Variants in KIF7 observed in about 807,000 individuals in gnomAD.
KIF7 encodes the protein kinesin-like protein KIF7.
Under a neutral mutation model 135.7 loss-of-function variants are expected in KIF7, and 104 were observed. The ratio of observed to expected loss-of-function variants is 0.77; its 90% CI spans 0.65 to 0.90. The LOEUF (loss-of-function observed/expected upper bound fraction) is 0.90, where lower values mean the gene tolerates loss of function less well. KIF7 is among the 40% of genes least tolerant of loss of function. The pLI is 0.00. For missense variants in KIF7, 2,005 were observed against 1,839.1 expected (o/e 1.09, Z -1.65); for synonymous variants, 883 against 809.4 (o/e 1.09, Z -1.54).
chr15:89,629,140 A>AG lies in KIF7; in HGVS notation c.3518-19dup. 6.5e-7 allele frequency: 1 copy of AG among 1,538,652 alleles called. No homozygotes were observed. The highest frequency in any genetic ancestry group is 8.7e-7 in the Non-Finnish European group (1 of 1,145,112). ...GAGGTGGTCTAGAGTGGAAAGGTCG[A>AG]GGAGAGGGTGGTGAGGGCTGCAGGC... is the stretch of plus-strand genomic sequence containing the variant. On this transcript the variant is annotated intron_variant, in intron 17 of 18. Coordinates refer to ENST00000394412, the MANE Select transcript of KIF7 (RefSeq NM_198525.3).
At chr15:89,657,022 T>A (rs1964213750), upstream of KIF7, among the ~76,000 whole-genome samples, 1 of 152,092 alleles carries the variant, frequency 6.6e-6, no homozygotes, top group African/African-American at 2.4e-5. Context: ...GAGGTACAAT[T>A]CTGGGCCAGC....
At chr15:89,625,415 G>T, downstream of KIF7, 1 of 1,614,018 alleles carries the variant, frequency 6.2e-7, no homozygotes, top group Non-Finnish European at 8.5e-7. Flanking sequence ...TCTTCCGGGA[G>T]GGGCGAGGTC....
At chr15:89,650,067 C>A in intron 2 of KIF7, 126 bp from the exon 3 acceptor site, 1 of 991,088 alleles carries the variant, frequency 1.0e-6, no homozygotes, top group South Asian at 1.4e-5. Flanking sequence ...AGGCAGTGGC[C>A]GAGGCCAGGA....
At position 89,648,341 on chromosome 15, in the gene KIF7, C is replaced by A. The variant is rs1964054535; in HGVS notation, c.1357G>T (p.Ala453Ser). ...WLCAVEGERS[A>S]LSSASGPDSG... is the part of the protein sequence containing the mutation. ...TCGGGCCCGGAGGCGGAGCTCAGGGCGCTGCGCTCGCCCTCGACGGCGCAC... is the reference window on the plus strand; with the variant it reads ...TCGGGCCCGGAGGCGGAGCTCAGGGAGCTGCGCTCGCCCTCGACGGCGCAC... Residue 453 changes from alanine (A) to serine (S), a missense_variant, in exon 5 of 19, where the codon GCC becomes TCC. Ala to Ser is a moderately conservative substitution (Grantham distance 99). Coordinates refer to ENST00000394412, the MANE Select transcript of KIF7 (RefSeq NM_198525.3). The A allele has an allele frequency of 1.9e-5, 28 of 1,479,542 alleles. No homozygotes were observed. The highest frequency in any genetic ancestry group is 2.3e-5 in the Non-Finnish European group (26 of 1,114,392). The allele number at this position is 1,479,542 out of a possible 1,614,324, so 91.7% of individuals were successfully genotyped here.
chr15:89,646,652 C>A (rs1964018379), intron 7 of KIF7, among the ~76,000 whole-genome samples, 178 bp downstream of exon 7: 1 of 152,198 alleles, frequency 6.6e-6, no homozygotes, highest in Admixed American at 6.5e-5. Flanking sequence ...CTGAGAGGCC[C>A]AGAGTCATTC....
intron 1 of KIF7, among the ~76,000 whole-genome samples, chr15:89,620,943 C>T (rs1050867350): frequency 2.3e-4 from 35 of 151,346 alleles, no homozygotes; most frequent in African/African-American, 7.1e-4. Flanking sequence ...AGGATAGTCT[C>T]GATCTCCGAC....
chr15:89,650,399 CTTTTT>C (rs879471313), intron 2 of KIF7, among the ~76,000 whole-genome samples: 1 of 148,564 alleles, frequency 6.7e-6, no homozygotes, highest in Non-Finnish European at 1.5e-5. Flanking sequence ...GCCAAATCAA[CTTTTT>C]TTTTTTGAGA....
rs142039942 is a variant in KIF7, at chr15:89,646,618, G to T, written c.1788+212C>A. On this transcript the variant is annotated intron_variant, in intron 7 of 18. Transcript: ENST00000394412. ...CCAAGCGATCTTCAGCTACCCCAGGGATGCCCGATGGCACTGCACCCTTCT... is the reference window on the plus strand; with the variant it reads ...CCAAGCGATCTTCAGCTACCCCAGGTATGCCCGATGGCACTGCACCCTTCT... Among the ~76,000 whole-genome samples the T allele has an allele frequency of 1.6e-3, 239 of 152,240 alleles. 1 individual carries two copies. Among genetic ancestry groups the T allele is most frequent in the African/African-American group, 5.4e-3 (225 of 41,542 alleles).
At chr15:89,633,576 C>G (rs1408806383) in intron 12 of KIF7, 110 bp downstream of exon 12, 4 of 1,196,454 alleles carry the variant, frequency 3.3e-6, no homozygotes, top group Non-Finnish European at 4.8e-6. Flanking sequence ...GACCTGCTTT[C>G]TAAGGTCACG....
At position 89,633,955 on chromosome 15, in the gene KIF7, A is replaced by G; in HGVS notation, c.2395-72T>C. On this transcript the variant is annotated intron_variant, in intron 11 of 18. Transcript: ENST00000394412. ...AGCCTGCCATAGTGCTGGGCACTCAACAAGGGCAGGCAGATAGAGGGCAAA... is the reference window on the plus strand; with the variant it reads ...AGCCTGCCATAGTGCTGGGCACTCAGCAAGGGCAGGCAGATAGAGGGCAAA... The G allele has an allele frequency of 7.1e-6, 11 of 1,552,576 alleles. 1 individual carries two copies. In the South Asian group the frequency reaches 1.2e-4, roughly 17 times the overall value.
intron 10 of KIF7, among the ~76,000 whole-genome samples, chr15:89,643,318 T>C (rs186250790): frequency 4.8e-4 from 73 of 152,330 alleles, no homozygotes; most frequent in Non-Finnish European, 4.4e-4. Flanking sequence ...AGCTTTTACA[T>C]TGTATTAGGT....
Position 89,652,748 on chromosome 15 carries a change from C to G in KIF7, c.183G>C (p.Leu61=), listed in dbSNP as rs1408679921. The G allele has an allele frequency of 1.3e-6, 2 of 1,551,728 alleles. No individual in the cohort carries two copies. The highest frequency in any genetic ancestry group is 4.9e-5 in the East Asian group (2 of 40,924). Residue 61 remains leucine, a synonymous_variant, in exon 2 of 19, where the codon CTG becomes CTC. Coordinates refer to ENST00000394412, the MANE Select transcript of KIF7 (RefSeq NM_198525.3). ...CGGCCTCCTGCCCCGCATCCTCGGC[C>G]AGCACCACGTGGAAGCCAAAGTGTC... ...RDRHFGFHVV[L]AEDAGQEAVY... is the part of the protein sequence containing the mutation.
chr15:89,631,512 TC>T lies in KIF7; in HGVS notation c.3093del (p.Ser1032ValfsTer51), dbSNP rs2141997929. On this transcript the variant is annotated frameshift_variant, in exon 15 of 19. Transcript: ENST00000394412. LOFTEE classifies it high-confidence loss of function. Reference protein sequence around the residue: ...RLEIDGKLRQGSLLSPEEERT... With the variant: ...RLEIDGKLRQXSLLSPEEERT... Reference sequence around the variant, plus strand: ...CAGGGTACCTCGGGGGACAGCAGACTCCCCTGCCTCAGCTTGCCGTCGATCT... The same window carrying T: ...CAGGGTACCTCGGGGGACAGCAGACTCCCTGCCTCAGCTTGCCGTCGATCT... 3 of 1,578,620 alleles carry T rather than the reference TC, an allele frequency of 1.9e-6. No individual in the cohort carries two copies. The highest frequency in any genetic ancestry group is 2.3e-5 in the South Asian group (2 of 86,546).
chr15:89,633,893 A>C lies in KIF7; in HGVS notation c.2395-10T>G, dbSNP rs1963743432. ...TCTTCTCCTTCAGCACCTGGGACCC[A>C]CACAGTCTTCACTGGGCCATGCACG... On this transcript the variant is annotated splice_polypyrimidine_tract_variant and intron_variant, in intron 11 of 18. Coordinates refer to ENST00000394412, the MANE Select transcript of KIF7 (RefSeq NM_198525.3). 6.2e-7 allele frequency: 1 copy of C among 1,613,606 alleles called. No individual in the cohort carries two copies. The highest frequency in any genetic ancestry group is 1.1e-5 in the South Asian group (1 of 91,088).
intron 11 of KIF7, 127 bp from the exon 12 acceptor site, chr15:89,634,010 T>C: frequency 1.0e-6 from 1 of 983,982 alleles, no homozygotes; most frequent in Middle Eastern, 2.1e-4. Flanking sequence ...CCAATAATAA[T>C]AACAGAGGCC....
At chr15:89,649,678 C>A in intron 3 of KIF7, 63 bp downstream of exon 3, 2 of 1,511,944 alleles carry the variant, frequency 1.3e-6, no homozygotes, top group South Asian at 2.5e-5. Flanking sequence ...AAGCACTCCA[C>A]TCCAAACAGG....
the KIF7 span, among the ~76,000 whole-genome samples, chr15:89,660,722 C>T: frequency 1.9e-4 from 29 of 152,206 alleles, no homozygotes; most frequent in Non-Finnish European, 4.0e-4. Context: ...CTCCCTTTCC[C>T]CTTCCACTAG....
intron 10 of KIF7, 80 bp downstream of exon 10, chr15:89,644,933 G>A: frequency 1.3e-6 from 2 of 1,565,328 alleles, no homozygotes; most frequent in Admixed American, 3.4e-5. Flanking sequence ...CCTCATTGTT[G>A]AAATCCCTCT....
At chr15:89,621,586 C>G (rs1256130484) in intron 1 of KIF7, 1 of 1,557,916 alleles carries the variant, frequency 6.4e-7, no homozygotes, top group Admixed American at 1.9e-5. Context: ...ATAATATAAT[C>G]TCCTGGAACA....
Sources: allele counts gnomAD v4.1 joint callset (sites outside exome capture counted in the v4.1 genomes callset), GRCh38; gene constraint gnomAD v4.1.1; transcripts MANE v1.5; gene names NCBI Gene and HGNC (gene_info 2026-07-23, HGNC 2026-07-21).